The following SPDYE18 variants were observed in gnomAD, a reference collection of about 807,000 sequenced individuals.
SPDYE18 encodes the protein speedy/RINGO cell cycle regulator family member E18.
Under a neutral mutation model 44.9 loss-of-function variants are expected in SPDYE18, and 6 were observed. The observed-to-expected ratio is 0.13, with a 90% CI of 0.07 to 0.26. The LOEUF (loss-of-function observed/expected upper bound fraction) is 0.26, where lower values mean the gene tolerates loss of function less well. Among genes scored for constraint, SPDYE18 ranks in the 10% least tolerant of loss-of-function variants. SPDYE18 has a pLI of 1.00. For synonymous variants in SPDYE18, 35 were observed against 177.1 expected, an observed-to-expected ratio of 0.20 and a Z score of 6.37; for missense variants, 121 against 463.2, an observed-to-expected ratio of 0.26 and a Z score of 6.78.
intron 3 of SPDYE18, among the ~76,000 whole-genome samples, chr7:77,058,116 C>CTT (rs375559743): frequency 0.039 from 2,404 of 62,106 alleles, 86 homozygotes; most frequent in African/African-American, 0.1. Flanking sequence ...CTCTGAGTCT[C>CTT]TTTTTTTTTT....
At position 77,060,862 on chromosome 7, in the gene SPDYE18, G is replaced by A. The variant is rs1315212125; in HGVS notation, c.-350C>T. Among the ~76,000 whole-genome samples, 1 of 151,576 alleles carries A rather than the reference G, an allele frequency of 6.6e-6. No individual in the cohort carries two copies. Among genetic ancestry groups the A allele is most frequent in the Non-Finnish European group, 1.5e-5 (1 of 67,968 alleles). Reference sequence around the variant, plus strand: ...TGTTCCCTGTCCCAGCAGAGGCTGTGTCCTCTCCACTCAAAGCCTGAAGCA... The same window carrying A: ...TGTTCCCTGTCCCAGCAGAGGCTGTATCCTCTCCACTCAAAGCCTGAAGCA... On this transcript the variant is annotated 5_prime_UTR_variant, in exon 2 of 9. Coordinates refer to ENST00000510091, the MANE Select transcript of SPDYE18 (RefSeq NM_001394953.1).
At chr7:77,054,986 T>G (rs1398291329) in intron 6 of SPDYE18, among the ~76,000 whole-genome samples, 1 of 152,228 alleles carries the variant, frequency 6.6e-6, no homozygotes, top group African/African-American at 2.4e-5. Context: ...CAGGCTGGTC[T>G]CGAACTGCTG....
intron 4 of SPDYE18, among the ~76,000 whole-genome samples, 156 bp downstream of exon 4, chr7:77,057,481 C>G (rs935406322): frequency 6.6e-6 from 1 of 150,528 alleles, no homozygotes; most frequent in Non-Finnish European, 1.5e-5. Context: ...TTTATCATCT[C>G]CTAAGTGTCC....
intron 2 of SPDYE18, 110 bp downstream of exon 2, chr7:77,060,243 C>T (rs1419609981): frequency 2.5e-5 from 38 of 1,492,268 alleles, no homozygotes; most frequent in South Asian, 1.6e-4. Flanking sequence ...GTGATTCGCC[C>T]GCCTCGGCCT....
At chr7:77,054,569 A>G (rs1364369944) in intron 6 of SPDYE18, among the ~76,000 whole-genome samples, 12 of 151,988 alleles carry the variant, frequency 7.9e-5, no homozygotes, top group Admixed American at 5.9e-4. Flanking sequence ...GGCCTCTGTC[A>G]TGGGAACCCA....
chr7:77,059,591 G>A (rs1789987114), intron 2 of SPDYE18, among the ~76,000 whole-genome samples, 193 bp from the exon 3 acceptor site: 1 of 150,988 alleles, frequency 6.6e-6, no homozygotes, highest in East Asian at 2.0e-4. Context: ...CTCTCTCTCT[G>A]TCCTCCGAAC....
chr7:77,051,793 T>A lies in SPDYE18; in HGVS notation c.*132A>T, dbSNP rs1183647936. Among the ~76,000 whole-genome samples the A allele has an allele frequency of 1.3e-5, 2 of 151,068 alleles. No individual in the cohort carries two copies. The highest frequency in any genetic ancestry group is 2.4e-5 in the African/African-American group (1 of 41,350). ...GGTTCTTCTAGATGATCTGCACAAA[T>A]GGTTCCTCTCCTCTTTCCTGTTGTC... On this transcript the variant is annotated 3_prime_UTR_variant, in exon 9 of 9. Coordinates refer to ENST00000510091, the MANE Select transcript of SPDYE18 (RefSeq NM_001394953.1).
Position 77,060,471 on chromosome 7 carries a change from A to C in SPDYE18, c.42T>G (p.Ile14Met). ...GACGGCTGGTCGTGATCTTTCCCGT[A>C]ATCTGTCCCCTCTTACGGAACCTAG... ...TKTRFRKRGQ[I>M]TGKITTSRQP... Residue 14 changes from isoleucine (I) to methionine (M), a missense_variant, in exon 2 of 9, where the codon ATT becomes ATG. Transcript: ENST00000510091. The C allele has an allele frequency of 6.5e-7, 1 of 1,535,222 alleles. No individual in the cohort carries two copies. The highest frequency in any genetic ancestry group is 8.7e-7 in the Non-Finnish European group (1 of 1,146,760).
intron 6 of SPDYE18, among the ~76,000 whole-genome samples, chr7:77,054,476 C>G (rs1583975189): frequency 6.7e-6 from 1 of 148,190 alleles, no homozygotes; most frequent in South Asian, 2.1e-4. Flanking sequence ...AGGAAGCCCC[C>G]TGGCTTGGGG....
chr7:77,056,190 C>T (rs1370813967), intron 5 of SPDYE18, among the ~76,000 whole-genome samples: 7 of 87,922 alleles, frequency 8.0e-5, no homozygotes, highest in South Asian at 4.7e-4. Flanking sequence ...GCGGGTGGAT[C>T]GCCTGAGGTC....
At chr7:77,055,169 G>T in intron 6 of SPDYE18, 67 bp downstream of exon 6, 1 of 614,830 alleles carries the variant, frequency 1.6e-6, no homozygotes, top group Non-Finnish European at 2.9e-6. Flanking sequence ...TGAAAGGCTG[G>T]AATCCCACTT....
At chr7:77,052,271 A>G (rs1479625475) in intron 8 of SPDYE18, among the ~76,000 whole-genome samples, 1 of 151,906 alleles carries the variant, frequency 6.6e-6, no homozygotes, top group Non-Finnish European at 1.5e-5. Flanking sequence ...ATCACGAACC[A>G]CGAGTCCAGA....
At position 77,051,828 on chromosome 7, in the gene SPDYE18, C is replaced by A. The variant is rs1789805429; in HGVS notation, c.*97G>T. On this transcript the variant is annotated 3_prime_UTR_variant, in exon 9 of 9. Transcript: ENST00000510091. The stretch of plus-strand genomic sequence containing the variant: ...CCTCTTTCCTGTTGTCTGCCATTAG[C>A]ATTGGAATAAAGTTCCTGCTGAAAA... Among the ~76,000 whole-genome samples, 1 of 151,878 alleles carries A rather than the reference C, an allele frequency of 6.6e-6. No individual in the cohort carries two copies. The highest frequency in any genetic ancestry group is 1.5e-5 in the Non-Finnish European group (1 of 67,994).
At position 77,060,557 on chromosome 7, in the gene SPDYE18, A is replaced by T; in HGVS notation, c.-45T>A. On this transcript the variant is annotated 5_prime_UTR_variant, in exon 2 of 9. An upstream open reading frame in the 5' UTR loses its in-frame stop. Transcript: ENST00000510091. Reference sequence around the variant, plus strand: ...CTAGGATCCAGAAGAGTATGTTATCAATTCTCAAGCCTAGGAGAAGTCAGG... The same window carrying T: ...CTAGGATCCAGAAGAGTATGTTATCTATTCTCAAGCCTAGGAGAAGTCAGG... 1 of 1,534,712 alleles carries T rather than the reference A, an allele frequency of 6.5e-7. No individual in the cohort carries two copies. Among genetic ancestry groups the T allele is most frequent in the Non-Finnish European group, 8.7e-7 (1 of 1,146,646 alleles).
At chr7:77,058,510 T>TC (rs1789966513) in intron 3 of SPDYE18, among the ~76,000 whole-genome samples, 1 of 120,476 alleles carries the variant, frequency 8.3e-6, no homozygotes, top group Non-Finnish European at 1.8e-5. Context: ...TCTTTTTTTT[T>TC]TTTTTTTTTT....
chr7:77,052,510 G>A (rs3960437), intron 8 of SPDYE18, among the ~76,000 whole-genome samples: 33,521 of 140,656 alleles, frequency 0.24, 1,495 homozygotes, highest in East Asian at 0.41. Flanking sequence ...TCAGGGCTCC[G>A]TGCAGCCCTG....
intron 1 of SPDYE18, among the ~76,000 whole-genome samples, chr7:77,062,270 T>G (rs1790030785): frequency 6.9e-6 from 1 of 145,548 alleles, no homozygotes; most frequent in South Asian, 2.4e-4. Context: ...GTTAGGAAGC[T>G]CTGCTTTTCT....
chr7:77,050,573 C>T lies in SPDYE18; in HGVS notation c.*1352G>A, dbSNP rs1312181455. Among the ~76,000 whole-genome samples, 1 of 152,290 alleles carries T rather than the reference C, an allele frequency of 6.6e-6. No individual in the cohort carries two copies. Among genetic ancestry groups the T allele is most frequent in the Non-Finnish European group, 1.5e-5 (1 of 68,030 alleles). On this transcript the variant is annotated 3_prime_UTR_variant, in exon 9 of 9. Transcript: ENST00000510091. Reference sequence around the variant, plus strand: ...TACATCTGAATTCTCACATTTCAAACATATATGAAATATCAAATAAAAATT... The same window carrying T: ...TACATCTGAATTCTCACATTTCAAATATATATGAAATATCAAATAAAAATT...
Position 77,060,239 on chromosome 7 carries a change from C to T in SPDYE18, c.160+114G>A, listed in dbSNP as rs574561048. ...CTTGAACTCCTGACCTCAGGTGATT[C>T]GCCCGCCTCGGCCTCCCAAAGTGCT... On this transcript the variant is annotated intron_variant, in intron 2 of 8. Coordinates refer to ENST00000510091, the MANE Select transcript of SPDYE18 (RefSeq NM_001394953.1). 2.5e-3 allele frequency: 3,769 copies of T among 1,488,628 alleles called. 17 individuals are homozygous for T. The highest frequency in any genetic ancestry group is 3.1e-3 in the Non-Finnish European group (3,516 of 1,122,470). The allele number at this position is 1,488,628 out of a possible 1,614,324, so 92.2% of individuals were successfully genotyped here.
Sources: allele counts gnomAD v4.1 joint callset (sites outside exome capture counted in the v4.1 genomes callset), GRCh38; gene constraint gnomAD v4.1.1; transcripts MANE v1.5; gene names NCBI Gene and HGNC (gene_info 2026-07-23, HGNC 2026-07-21).